The following MGAT4C variants were observed in gnomAD, a reference collection of about 807,000 sequenced individuals.
MGAT4C encodes MGAT4 family member C, also known as alpha-1,3-mannosyl-glycoprotein 4-beta-N-acetylglucosaminyltransferase C.
In MGAT4C, 19 loss-of-function variants were observed where a neutral mutation model predicts 40.1. That is an observed-to-expected ratio of 0.47 (90% CI 0.33 to 0.70). MGAT4C has a LOEUF of 0.70. Among genes scored for constraint, MGAT4C ranks in the 30% least tolerant of loss-of-function variants. MGAT4C has a pLI of 0.02. For missense variants in MGAT4C, 491 were observed against 563.2 expected (o/e 0.87, Z 1.30); for synonymous variants, 181 against 187.1 (o/e 0.97, Z 0.27).
intron 1 of MGAT4C, among the ~76,000 whole-genome samples, chr12:86,746,743 A>C (rs996028563): frequency 2.0e-5 from 3 of 151,516 alleles, no homozygotes; most frequent in Non-Finnish European, 4.4e-5. Flanking sequence ...CATAGACCTG[A>C]CTAATTACAG....
chr12:86,385,423 C>T (rs901778785), intron 3 of MGAT4C, among the ~76,000 whole-genome samples: 2 of 152,084 alleles, frequency 1.3e-5, no homozygotes, highest in East Asian at 1.9e-4. Flanking sequence ...CTGTTCATGT[C>T]ATGCCATAAG....
At chr12:86,616,088 G>A (rs1348200420) in intron 2 of MGAT4C, among the ~76,000 whole-genome samples, 1 of 152,062 alleles carries the variant, frequency 6.6e-6, no homozygotes, top group Admixed American at 6.6e-5. Flanking sequence ...TGTACACAAT[G>A]CCTTGAGTGG....
intron 2 of MGAT4C, among the ~76,000 whole-genome samples, chr12:86,714,821 T>A (rs1405090153): frequency 1.9e-5 from 2 of 107,190 alleles, no homozygotes; most frequent in East Asian, 3.6e-4. Flanking sequence ...AAGGAAAGAA[T>A]TAAAGTAGGA....
At chr12:86,491,028 CCCA>C (rs1958122286) in intron 2 of MGAT4C, among the ~76,000 whole-genome samples, 1 of 151,966 alleles carries the variant, frequency 6.6e-6, no homozygotes, top group African/African-American at 2.4e-5. Context: ...AACAAGGATA[CCCA>C]GGAATTGAAC....
chr12:86,626,314 C>A (rs938642827), intron 2 of MGAT4C, among the ~76,000 whole-genome samples: 2 of 152,174 alleles, frequency 1.3e-5, no homozygotes, highest in African/African-American at 4.8e-5. Flanking sequence ...TCTTCCTGAA[C>A]TGTCTGAAAT....
intron 2 of MGAT4C, among the ~76,000 whole-genome samples, chr12:86,457,565 T>C (rs1957529431): frequency 6.6e-6 from 1 of 152,116 alleles, no homozygotes; most frequent in South Asian, 2.1e-4. Flanking sequence ...AAAAAGAATA[T>C]ATATGCTGGA....
chr12:86,210,502 G>T (rs1950419868), intron 1 of MGAT4C, among the ~76,000 whole-genome samples: 1 of 152,154 alleles, frequency 6.6e-6, no homozygotes, highest in Non-Finnish European at 1.5e-5. Context: ...CTTTAGTCCA[G>T]AGTCAGAAAC....
chr12:86,192,865 G>A (rs1335087869), intron 1 of MGAT4C, among the ~76,000 whole-genome samples: 1 of 151,960 alleles, frequency 6.6e-6, no homozygotes, highest in Non-Finnish European at 1.5e-5. Flanking sequence ...AGATATGTTG[G>A]TATGTTCAAA....
At chr12:86,017,570 T>C (rs1031335220) in intron 2 of MGAT4C, among the ~76,000 whole-genome samples, 20 of 152,248 alleles carry the variant, frequency 1.3e-4, no homozygotes, top group Admixed American at 3.9e-4. Flanking sequence ...TTAAAAAAGG[T>C]AACGAAAAAA....
chr12:86,581,115 G>A lies in MGAT4C; in HGVS notation c.-228-145850C>T, dbSNP rs570477211. Among the ~76,000 whole-genome samples, 7 of 151,518 alleles carry A rather than the reference G, an allele frequency of 4.6e-5. No individual in the cohort carries two copies. The East Asian group carries it at 1.4e-3, about 29-fold the overall frequency. ...TTAGTATTAATTAGGTTTTTCCAGT[G>A]TAATGCTTAATATGAGATTCAGAGG... On this transcript the variant is annotated intron_variant, in intron 2 of 7. Transcript: ENST00000548651.
At chr12:86,575,331 C>T (rs1255668315) in intron 2 of MGAT4C, among the ~76,000 whole-genome samples, 1 of 151,810 alleles carries the variant, frequency 6.6e-6, no homozygotes, top group Admixed American at 6.6e-5. Context: ...TTTTGGCACC[C>T]ATTAAACATC....
At chr12:86,587,707 G>A (rs1204535973) in intron 2 of MGAT4C, among the ~76,000 whole-genome samples, 1 of 151,710 alleles carries the variant, frequency 6.6e-6, no homozygotes, top group Non-Finnish European at 1.5e-5. Context: ...TCTCTTTGAA[G>A]CAATTGTGAA....
intron 2 of MGAT4C, among the ~76,000 whole-genome samples, chr12:86,644,584 C>T (rs898560373): frequency 3.3e-5 from 5 of 151,514 alleles, no homozygotes; most frequent in East Asian, 1.9e-4. Flanking sequence ...CAATTCTACC[C>T]GAAGTATCAA....
chr12:86,231,334 T>A (rs1951314879), intron 1 of MGAT4C, among the ~76,000 whole-genome samples: 1 of 152,194 alleles, frequency 6.6e-6, no homozygotes. Context: ...TTTTATGAAT[T>A]CTCAATATAC....
intron 1 of MGAT4C, among the ~76,000 whole-genome samples, chr12:86,783,908 A>G (rs763488199): frequency 6.6e-6 from 1 of 152,152 alleles, no homozygotes; most frequent in Non-Finnish European, 1.5e-5. Flanking sequence ...GACTTTATCA[A>G]TCTTCCTTAT....
intron 4 of MGAT4C, among the ~76,000 whole-genome samples, chr12:86,319,917 T>C (rs1318585761): frequency 1.3e-5 from 2 of 152,288 alleles, no homozygotes; most frequent in Admixed American, 6.5e-5. Flanking sequence ...GAAATGAAAT[T>C]TTAATTCTCA....
chr12:86,799,063 T>A (rs1952179865), intron 1 of MGAT4C, among the ~76,000 whole-genome samples: 1 of 151,850 alleles, frequency 6.6e-6, no homozygotes, highest in South Asian at 2.1e-4. Flanking sequence ...CTGTTATATA[T>A]TAAGGTGAAA....
chr12:86,304,440 C>A (rs1185815001), intron 4 of MGAT4C, among the ~76,000 whole-genome samples: 1 of 150,478 alleles, frequency 6.6e-6, no homozygotes, highest in Non-Finnish European at 1.5e-5. Flanking sequence ...GAAAAAATAG[C>A]AAAATCAAAA....
intron 1 of MGAT4C, among the ~76,000 whole-genome samples, chr12:86,068,972 C>T (rs936303325): frequency 4.6e-5 from 7 of 152,056 alleles, no homozygotes; most frequent in Non-Finnish European, 7.4e-5. Flanking sequence ...CCTTAAAATT[C>T]GAATTCACCA....
Sources: gnomAD v4.1 joint callset for allele counts (sites outside exome capture counted in the v4.1 genomes callset) on GRCh38, gnomAD v4.1.1 for gene constraint, MANE v1.5 for transcripts, NCBI Gene and HGNC (gene_info 2026-07-23, HGNC 2026-07-21) for gene names.